ADGRA2: variants seen among roughly 807,000 people sequenced by gnomAD.
ADGRA2 encodes the protein adhesion G protein-coupled receptor A2, also known as G-protein coupled receptor 124.
Under a neutral mutation model 98.7 loss-of-function variants are expected in ADGRA2, and 61 were observed. The ratio of observed to expected loss-of-function variants is 0.62; its 90% confidence interval spans 0.50 to 0.76. The LOEUF is 0.76. ADGRA2 is among the 30% of genes least tolerant of loss of function. The pLI, the probability that ADGRA2 is intolerant of heterozygous loss-of-function variation, is 0.00. For synonymous variants in ADGRA2, 858 were observed against 831.5 expected, an observed-to-expected ratio of 1.03 and a Z score of -0.55; for missense variants, 1,712 against 1,860.0, an observed-to-expected ratio of 0.92 and a Z score of 1.46.
At chr8:37,820,321 T>TC (rs1281697509) in intron 2 of ADGRA2, among the ~76,000 whole-genome samples, 2 of 152,018 alleles carry the variant, frequency 1.3e-5, no homozygotes, top group Non-Finnish European at 2.9e-5. Context: ...ACAACCACTA[T>TC]CCCCCCAGAA....
In ADGRA2 at chr8:37,814,875, G is replaced by A. The variant is rs954581202; in HGVS notation, c.267-21G>A. The A allele has an allele frequency of 6.3e-7, 1 of 1,590,766 alleles. No individual in the cohort carries two copies. The highest frequency in any genetic ancestry group is 1.7e-4 in the Middle Eastern group (1 of 6,026). ...CACATAACAGCACCTTGTCCTGTCT[G>A]TGTCCTCTCTGTCTCTTCAGGCTCT... On this transcript the variant is annotated intron_variant, in intron 1 of 18. Transcript: ENST00000412232. The surrounding 1 kb of genome is among the most constrained non-coding windows in gnomAD (Gnocchi z 4.3).
In ADGRA2 at chr8:37,841,855, C is replaced by T; in HGVS notation, c.3517C>T (p.Pro1173Ser). 1 of 1,534,134 alleles carries T rather than the reference C, an allele frequency of 6.5e-7. No homozygotes were observed. Among genetic ancestry groups the T allele is most frequent in the Non-Finnish European group, 8.7e-7 (1 of 1,146,370 alleles). Residue 1173 changes from proline (P) to serine (S), a missense_variant, in exon 19 of 19, where the codon CCC becomes TCC. Physicochemically the swap from Pro to Ser is moderately conservative, Grantham distance 74. Transcript: ENST00000412232. The surrounding 1 kb of genome is among the most constrained non-coding windows in gnomAD (Gnocchi z 5.0). ...GTRGNLAHRHPNNVHHGRRAH... is the reference protein window; with the variant it reads ...GTRGNLAHRHSNNVHHGRRAH... ...CCGGGGAAACCTCGCCCACCGCCAC[C>T]CCAACAACGTGCACCACGGGCGTCG...
chr8:37,827,053 G>T (rs748901609), intron 2 of ADGRA2, among the ~76,000 whole-genome samples: 1 of 152,242 alleles, frequency 6.6e-6, no homozygotes, highest in Non-Finnish European at 1.5e-5. Context: ...CTTGCCTGCT[G>T]CCTCACAATC....
At chr8:37,804,819 G>A (rs1269698852) in intron 1 of ADGRA2, among the ~76,000 whole-genome samples, 1 of 152,202 alleles carries the variant, frequency 6.6e-6, no homozygotes, top group African/African-American at 2.4e-5. Context: ...CATGAGCCAG[G>A]GAAAAGGGGC....
chr8:37,824,678 T>C (rs914753395), intron 2 of ADGRA2, among the ~76,000 whole-genome samples: 1 of 151,902 alleles, frequency 6.6e-6, no homozygotes, highest in Non-Finnish European at 1.5e-5. Context: ...GTATTTTTAG[T>C]AGAGACAAGG....
At position 37,814,484 on chromosome 8, in the gene ADGRA2, G is replaced by C. The variant is rs1286706510; in HGVS notation, c.267-412G>C. On this transcript the variant is annotated intron_variant, in intron 1 of 18. Coordinates refer to ENST00000412232, the MANE Select transcript of ADGRA2 (RefSeq NM_032777.10). This position sits in a 1 kb window ranked among gnomAD's most constrained non-coding sequence, Gnocchi z 4.3. The stretch of plus-strand genomic sequence containing the variant: ...TTCTGGGCATCCTGGCCCCGTTCAA[G>C]CCATTCTCCCCACCACTCTCTTCGG... Among the ~76,000 whole-genome samples the C allele has an allele frequency of 6.6e-6, 1 of 152,242 alleles. No individual in the cohort carries two copies.
At chr8:37,819,147 A>C (rs1017286506) in intron 2 of ADGRA2, among the ~76,000 whole-genome samples, 1 of 152,164 alleles carries the variant, frequency 6.6e-6, no homozygotes. Flanking sequence ...TTATGGATCT[A>C]AAATTCTATG....
chr8:37,832,929 G>A lies in ADGRA2; in HGVS notation c.1098-81G>A, dbSNP rs1001117010. 5 of 1,104,658 alleles carry A rather than the reference G, an allele frequency of 4.5e-6. No homozygotes were observed. The African/African-American group carries it at 7.7e-5, about 17-fold the overall frequency. 68.4% of individuals were successfully genotyped at this position (1,104,658 alleles called of 1,614,324 possible). ...CCTCCCCAAGGCCCCAAGGAGTCCG[G>A]CCTCACCGTTCTAAAGTCGGGAGAA... On this transcript the variant is annotated intron_variant, in intron 8 of 18. Transcript: ENST00000412232.
Position 37,835,215 on chromosome 8 carries a change from G to T in ADGRA2, c.1650G>T (p.Pro550=). ...CATTGGAGGCCTACCTCATCAAGCC[G>T]CACAGCTACGTGGGCCTGACCTGCA... ...NVALEAYLIK[P]HSYVGLTCTA... Residue 550 remains proline (P), a synonymous_variant, in exon 12 of 19, where the codon CCG becomes CCT. Transcript: ENST00000412232. 6.2e-7 allele frequency: 1 copy of T among 1,613,874 alleles called. No individual in the cohort carries two copies. Among genetic ancestry groups the T allele is most frequent in the South Asian group, 1.1e-5 (1 of 91,062 alleles).
At position 37,844,306 on chromosome 8, in the gene ADGRA2, A is replaced by C. The variant is rs1805906124; in HGVS notation, c.*1951A>C. Reference sequence around the variant, plus strand: ...CAAGGGATGGGAATCTCTCCTACCTATAGTCATCCCTGCACTCCTGACTTT... The same window carrying C: ...CAAGGGATGGGAATCTCTCCTACCTCTAGTCATCCCTGCACTCCTGACTTT... On this transcript the variant is annotated 3_prime_UTR_variant, in exon 19 of 19. Transcript: ENST00000412232. 1.5e-6 allele frequency: 1 copy of C among 678,718 alleles called. No homozygotes were observed. The allele number at this position is 678,718 out of a possible 1,614,324, so 42.0% of individuals were successfully genotyped here. A position where few individuals can be genotyped will look rare whatever the true frequency, so the allele number is the denominator to read the frequency against.
intron 11 of ADGRA2, 137 bp from the exon 12 acceptor site, chr8:37,835,035 AAG>A (rs1196858933): frequency 1.8e-5 from 10 of 567,512 alleles, no homozygotes; most frequent in East Asian, 9.6e-5. Context: ...TAAAAAAAAA[AAG>A]AGAGAGAGGT....
chr8:37,806,504 T>TTTCTTTTTCTTTA (rs1804664488), intron 1 of ADGRA2, among the ~76,000 whole-genome samples: 1 of 142,112 alleles, frequency 7.0e-6, no homozygotes, highest in Non-Finnish European at 1.5e-5. Context: ...TCTTTTTCTT[T>TTTCTTTTTCTTTA]TTCTTTTTCT....
At chr8:37,800,815 T>A (rs1196453188) in intron 1 of ADGRA2, among the ~76,000 whole-genome samples, 1 of 152,224 alleles carries the variant, frequency 6.6e-6, no homozygotes, top group Non-Finnish European at 1.5e-5. Context: ...ACTTTATTTA[T>A]TTATTTTTTC....
At chr8:37,837,305 G>A (rs7818133) in intron 13 of ADGRA2, among the ~76,000 whole-genome samples, 8,620 of 152,114 alleles carry the variant, frequency 0.057, 796 homozygotes, top group African/African-American at 0.2. Context: ...GGCCTGCTCC[G>A]GGAGCCCCTC....
rs1406644425 is a variant in ADGRA2, at chr8:37,842,692, GCGGCCTCACTGGGGGC to G, written c.*339_*354del. On this transcript the variant is annotated 3_prime_UTR_variant, in exon 19 of 19. Transcript: ENST00000412232. ...TACTCCCACCCCGCCTACTGTCCAT[GCGGCCTCACTGGGGGC>G]CATCAGCCTCACCAGCAAAGCAGAG... 1.2e-5 allele frequency: 3 copies of G among 248,296 alleles called. No homozygotes were observed. The highest frequency in any genetic ancestry group is 1.5e-5 in the Non-Finnish European group (2 of 131,354). The allele number at this position is 248,296 out of a possible 1,614,324, so 15.4% of individuals were successfully genotyped here.
intron 2 of ADGRA2, among the ~76,000 whole-genome samples, chr8:37,816,101 G>A (rs1406933817): frequency 6.6e-6 from 1 of 152,200 alleles, no homozygotes; most frequent in Non-Finnish European, 1.5e-5. Context: ...GCAGTCCAGG[G>A]GAGACCACAA....
intron 2 of ADGRA2, among the ~76,000 whole-genome samples, chr8:37,815,208 G>A (rs1006898244): frequency 5.9e-5 from 9 of 152,208 alleles, no homozygotes; most frequent in African/African-American, 1.9e-4. Flanking sequence ...AGTGGGGAGC[G>A]GGTTCTGAGA....
At chr8:37,815,266 C>G (rs1342673801) in intron 2 of ADGRA2, among the ~76,000 whole-genome samples, 2 of 152,254 alleles carry the variant, frequency 1.3e-5, no homozygotes. Flanking sequence ...GGGCCGAGCT[C>G]TCGACTGGCC....
intron 1 of ADGRA2, among the ~76,000 whole-genome samples, chr8:37,798,137 A>C (rs200372814): frequency 0.085 from 12,959 of 152,174 alleles, 822 homozygotes; most frequent in East Asian, 0.16. Context: ...CCTGGGCTGC[A>C]GGAGACCCTG....
Sources: gnomAD v4.1 joint callset for allele counts (sites outside exome capture counted in the v4.1 genomes callset) on GRCh38, gnomAD v4.1.1 for gene constraint, Gnocchi (gnomAD v3.1) non-coding constraint, MANE v1.5 for transcripts, NCBI Gene and HGNC (gene_info 2026-07-23, HGNC 2026-07-21) for gene names.